Variants in THTPA observed in about 807,000 individuals in gnomAD.
THTPA encodes thiamine triphosphatase, also known as thiamine-triphosphatase.
In THTPA, 16 loss-of-function variants were observed where a neutral mutation model predicts 16.5. That is an observed-to-expected ratio of 0.97 (90% confidence interval 0.66 to 1.47). THTPA has a LOEUF of 1.47. Ranked by LOEUF, THTPA falls within the 40% of genes most tolerant of loss-of-function variation. The pLI is 0.00. For synonymous variants in THTPA, 110 were observed against 115.5 expected (o/e 0.95, Z 0.30); for missense variants, 281 against 280.9 (o/e 1.00, Z 0.00).
the THTPA span, chr14:23,531,567 A>T: frequency 1.3e-6 from 2 of 1,524,940 alleles, no homozygotes; most frequent in Non-Finnish European, 1.8e-6. Flanking sequence ...ATTCTGTAGC[A>T]GCTGCAGACG....
the THTPA span, among the ~76,000 whole-genome samples, chr14:23,549,947 G>A: frequency 1.5e-3 from 223 of 152,286 alleles, 1 homozygote; most frequent in Non-Finnish European, 2.1e-3. Context: ...TAGGAAGAGG[G>A]CAGATTATGG....
chr14:23,520,887 T>TC, the THTPA span: 4 of 151,946 alleles, frequency 2.6e-5, no homozygotes, highest in African/African-American at 7.3e-5. This position sits in a 1 kb window ranked among gnomAD's most constrained non-coding sequence, Gnocchi z 8.7. Context: ...TTTTTTTTTT[T>TC]CTGTATTTTC....
chr14:23,517,400 C>G, the THTPA span, among the ~76,000 whole-genome samples: 2 of 152,146 alleles, frequency 1.3e-5, no homozygotes, highest in East Asian at 3.9e-4. Context: ...GAGCTATAAT[C>G]CTGTAGACCC....
the THTPA span, chr14:23,524,894 A>G: frequency 7.8e-6 from 12 of 1,536,252 alleles, no homozygotes; most frequent in South Asian, 1.4e-4. This position sits in a 1 kb window ranked among gnomAD's most constrained non-coding sequence, Gnocchi z 5.6. Context: ...CACCAACTCA[A>G]AAACACAGGA....
At chr14:23,558,576 T>C in intron 1 of THTPA, 119 bp from the exon 2 acceptor site, 1 of 1,350,580 alleles carries the variant, frequency 7.4e-7, no homozygotes, top group Non-Finnish European at 1.0e-6. Flanking sequence ...GTGGGTGACA[T>C]TCAGAACCCC....
At chr14:23,552,599 TTTTG>T (rs558220630), upstream of THTPA, among the ~76,000 whole-genome samples, 330 of 149,622 alleles carry the variant, frequency 2.2e-3, 1 homozygote, top group Non-Finnish European at 2.9e-3. Context: ...CAGCCCGTTT[TTTTG>T]TTTGTTTGTT....
the THTPA span, chr14:23,534,680 G>C: frequency 6.5e-7 from 1 of 1,536,198 alleles, no homozygotes; most frequent in Admixed American, 2.0e-5. This position sits in a 1 kb window ranked among gnomAD's most constrained non-coding sequence, Gnocchi z 4.5. Context: ...TCTCCGGGTG[G>C]ATTTGGAGCC....
the THTPA span, among the ~76,000 whole-genome samples, chr14:23,537,776 T>TG: frequency 4.6e-5 from 7 of 152,182 alleles, no homozygotes; most frequent in South Asian, 1.5e-3. Flanking sequence ...GAATCCATGG[T>TG]GGGGGAGAGG....
intron 1 of THTPA, 122 bp downstream of exon 1, chr14:23,557,426 A>C: frequency 4.5e-6 from 5 of 1,110,100 alleles, no homozygotes; most frequent in Non-Finnish European, 6.2e-6. Context: ...AATAGAGACA[A>C]GGTTTTGCCG....
At chr14:23,549,598 A>G in the THTPA span, among the ~76,000 whole-genome samples, 1 of 152,202 alleles carries the variant, frequency 6.6e-6, no homozygotes, top group Non-Finnish European at 1.5e-5. Context: ...TAGGAAGAAG[A>G]TGAACTAAAA....
the THTPA span, chr14:23,532,707 G>C: frequency 6.5e-7 from 1 of 1,533,774 alleles, no homozygotes; most frequent in Non-Finnish European, 8.7e-7. Context: ...CCATCTCCCA[G>C]GGATGCTGGG....
the THTPA span, chr14:23,533,679 TGG>T: frequency 1.3e-6 from 2 of 1,538,238 alleles, no homozygotes; most frequent in Non-Finnish European, 8.7e-7. The surrounding 1 kb of genome is among the most constrained non-coding windows in gnomAD (Gnocchi z 4.8). Context: ...ATGCCTCTGG[TGG>T]ACTTCCCTGC....
chr14:23,556,426 T>C lies in THTPA; in HGVS notation c.-332T>C, dbSNP rs896867517. 7.1e-6 allele frequency: 2 copies of C among 283,480 alleles called. No homozygotes were observed. Among genetic ancestry groups the C allele is most frequent in the African/African-American group, 4.4e-5 (2 of 45,766 alleles). 17.6% of individuals were successfully genotyped at this position (283,480 alleles called of 1,614,324 possible). A position where few individuals can be genotyped will look rare whatever the true frequency, so the allele number is the denominator to read the frequency against. On this transcript the variant is annotated 5_prime_UTR_variant, in exon 1 of 2. Coordinates refer to ENST00000288014, the MANE Select transcript of THTPA (RefSeq NM_024328.6). ...GTCGTGAGCCAGTAGCCTCCTGGGG[T>C]GGCAAGGTGTAGAGAGGGGGGCGTT...
chr14:23,513,954 G>A, the THTPA span: 1 of 152,874 alleles, frequency 6.5e-6, no homozygotes, highest in African/African-American at 2.4e-5. Context: ...AGCCAGGGAG[G>A]AGGGAGTGTG....
Position 23,559,747 on chromosome 14 carries a change from A to C in THTPA, c.*907A>C, listed in dbSNP as rs1566609386. 1.9e-6 allele frequency: 3 copies of C among 1,613,994 alleles called. No homozygotes were observed. Among genetic ancestry groups the C allele is most frequent in the Non-Finnish European group, 2.5e-6 (3 of 1,179,932 alleles). On this transcript the variant is annotated 3_prime_UTR_variant, in exon 2 of 2. Transcript: ENST00000288014. ...AGAATTTCAGGCTGTGAGTGGAGACAGTTACTGCCACGATTCCACAGGCAA... is the reference window on the plus strand; with the variant it reads ...AGAATTTCAGGCTGTGAGTGGAGACCGTTACTGCCACGATTCCACAGGCAA...
At chr14:23,516,068 A>G in the THTPA span, among the ~76,000 whole-genome samples, 2 of 152,066 alleles carry the variant, frequency 1.3e-5, no homozygotes, top group African/African-American at 4.8e-5. Context: ...GGTGCTGAAG[A>G]GATGGGGGCA....
chr14:23,544,949 TCTC>T, the THTPA span, among the ~76,000 whole-genome samples: 1 of 151,600 alleles, frequency 6.6e-6, no homozygotes, highest in Non-Finnish European at 1.5e-5. Flanking sequence ...TCTGCACCCC[TCTC>T]CTCTTTCATT....
intron 1 of THTPA, among the ~76,000 whole-genome samples, 171 bp downstream of exon 1, chr14:23,557,475 A>G (rs1408505263): frequency 1.4e-4 from 22 of 152,010 alleles, no homozygotes; most frequent in Admixed American, 1.4e-3. Flanking sequence ...GACTCAAGCA[A>G]TTTGCCTGCC....
the THTPA span, among the ~76,000 whole-genome samples, chr14:23,517,096 G>A: frequency 3.9e-5 from 6 of 152,178 alleles, no homozygotes; most frequent in Non-Finnish European, 5.9e-5. Context: ...CCATGGCTGC[G>A]GAATTGCAAG....
Sources: gnomAD v4.1 joint callset for allele counts (sites outside exome capture counted in the v4.1 genomes callset) on GRCh38, gnomAD v4.1.1 for gene constraint, Gnocchi (gnomAD v3.1) non-coding constraint, MANE v1.5 for transcripts, NCBI Gene and HGNC (gene_info 2026-07-23, HGNC 2026-07-21) for gene names.